The following ANXA13 variants were observed in gnomAD, a reference collection of about 807,000 sequenced individuals.
The protein encoded by ANXA13 is annexin XIII.
Under a neutral mutation model 46.6 loss-of-function variants are expected in ANXA13, and 36 were observed. The ratio of observed to expected loss-of-function variants is 0.77; its 90% CI spans 0.59 to 1.02. The LOEUF is 1.02. Among genes scored for constraint, ANXA13 ranks in the 50% least tolerant of loss-of-function variants. The pLI, the probability that ANXA13 is intolerant of heterozygous loss-of-function variation, is 0.00. For synonymous variants in ANXA13, 163 were observed against 152.9 expected (o/e 1.07, Z -0.49); for missense variants, 417 against 396.5 (o/e 1.05, Z -0.44).
intron 1 of ANXA13, among the ~76,000 whole-genome samples, chr8:123,721,978 G>T (rs909970703): frequency 2.0e-5 from 3 of 152,108 alleles, no homozygotes; most frequent in African/African-American, 7.2e-5. Context: ...TGGGGTTATT[G>T]TCTAAATAAT....
intron 10 of ANXA13, among the ~76,000 whole-genome samples, chr8:123,681,561 C>A (rs930683820): frequency 4.6e-5 from 7 of 151,814 alleles, no homozygotes; most frequent in African/African-American, 1.7e-4. Flanking sequence ...GAGGTCAATT[C>A]CCCAAAGGTT....
chr8:123,726,869 A>C (rs1166742339), intron 1 of ANXA13, among the ~76,000 whole-genome samples: 1 of 152,252 alleles, frequency 6.6e-6, no homozygotes, highest in Non-Finnish European at 1.5e-5. Flanking sequence ...ACTACTACTC[A>C]TCCATAAAAA....
At chr8:123,724,683 A>T (rs556075589) in intron 1 of ANXA13, among the ~76,000 whole-genome samples, 1 of 152,346 alleles carries the variant, frequency 6.6e-6, no homozygotes, top group Admixed American at 6.5e-5. Context: ...GGAACACTGA[A>T]AGCATTAAAG....
chr8:123,707,479 A>T (rs1813560036), intron 2 of ANXA13, among the ~76,000 whole-genome samples: 1 of 152,214 alleles, frequency 6.6e-6, no homozygotes, highest in African/African-American at 2.4e-5. Context: ...GATAAAGAAA[A>T]TGTGGCACAT....
intron 1 of ANXA13, among the ~76,000 whole-genome samples, chr8:123,713,885 G>A (rs1467737280): frequency 1.3e-5 from 2 of 152,052 alleles, no homozygotes; most frequent in Non-Finnish European, 2.9e-5. Flanking sequence ...GTAGAGATGG[G>A]GTTTTGCCAT....
At chr8:123,731,291 A>C (rs1237864210) in intron 1 of ANXA13, among the ~76,000 whole-genome samples, 1 of 152,164 alleles carries the variant, frequency 6.6e-6, no homozygotes, top group South Asian at 2.1e-4. Context: ...CTTTGGATAC[A>C]TTAGAATCAT....
chr8:123,684,595 C>T lies in ANXA13; in HGVS notation c.831+15G>A, dbSNP rs760899286. 19 of 1,568,978 alleles carry T rather than the reference C, an allele frequency of 1.2e-5. No homozygotes were observed. The highest frequency in any genetic ancestry group is 6.7e-5 in the South Asian group (6 of 90,064). On this transcript the variant is annotated intron_variant, in intron 10 of 10. Transcript: ENST00000419625. ...GAAGTTGCAGCCGCCTCTTTGGAGT[C>T]GGAGTGTGTCTTACCTCGGCCCTGG... is the stretch of plus-strand genomic sequence containing the variant.
chr8:123,711,453 C>T (rs1405567837), intron 2 of ANXA13, among the ~76,000 whole-genome samples: 1 of 152,074 alleles, frequency 6.6e-6, no homozygotes, highest in Non-Finnish European at 1.5e-5. Context: ...GACCTAGATG[C>T]TGTCTCCCTC....
At chr8:123,684,982 G>T (rs965242990) in intron 9 of ANXA13, among the ~76,000 whole-genome samples, 2 of 152,144 alleles carry the variant, frequency 1.3e-5, no homozygotes, top group African/African-American at 4.8e-5. Flanking sequence ...GGGCCCTCCC[G>T]GCCACGTCCA....
chr8:123,717,514 G>A (rs1813778380), intron 1 of ANXA13, among the ~76,000 whole-genome samples: 1 of 152,162 alleles, frequency 6.6e-6, no homozygotes, highest in Non-Finnish European at 1.5e-5. Flanking sequence ...CACATATGTT[G>A]ATCCCAGATG....
At chr8:123,695,835 C>T (rs1038993547) in intron 4 of ANXA13, 114 bp from the exon 5 acceptor site, 1 of 909,606 alleles carries the variant, frequency 1.1e-6, no homozygotes. Context: ...TTCAAGACTT[C>T]CTCTTAAGAT....
intron 1 of ANXA13, chr8:123,727,680 T>C (rs1054127078): frequency 8.9e-6 from 1 of 112,286 alleles, no homozygotes; most frequent in Non-Finnish European, 1.6e-5. Context: ...TGGTCCCAAA[T>C]GTCAGCAGTG....
intron 9 of ANXA13, among the ~76,000 whole-genome samples, chr8:123,685,383 G>A (rs1431139999): frequency 2.0e-5 from 3 of 152,072 alleles, no homozygotes; most frequent in African/African-American, 7.2e-5. Context: ...AATGAAGCGT[G>A]GTCTCTATTC....
intron 1 of ANXA13, among the ~76,000 whole-genome samples, chr8:123,715,299 AAGGCC>A (rs1412241391): frequency 1.3e-5 from 2 of 152,226 alleles, no homozygotes; most frequent in Non-Finnish European, 1.5e-5. Flanking sequence ...CACACTTATA[AAGGCC>A]ACCCTACTTT....
chr8:123,725,210 C>A (rs538544785), intron 1 of ANXA13, among the ~76,000 whole-genome samples: 1 of 151,998 alleles, frequency 6.6e-6, no homozygotes, highest in Non-Finnish European at 1.5e-5. Context: ...TTAAAAAGTG[C>A]GTATTTAAAA....
Position 123,689,565 on chromosome 8 carries a change from C to T in ANXA13, c.643-619G>A, listed in dbSNP as rs144577054. Among the ~76,000 whole-genome samples, 296 of 152,288 alleles carry T rather than the reference C, an allele frequency of 1.9e-3. 1 individual carries two copies. The highest frequency in any genetic ancestry group is 6.8e-3 in the African/African-American group (282 of 41,556). Reference sequence around the variant, plus strand: ...CTGACCACATCAAAATGCCACTTGTCTTCACTCTGGGGTGATTCCAAATAA... The same window carrying T: ...CTGACCACATCAAAATGCCACTTGTTTTCACTCTGGGGTGATTCCAAATAA... On this transcript the variant is annotated intron_variant, in intron 8 of 10. Transcript: ENST00000419625.
At chr8:123,729,377 T>C (rs1814065962) in intron 1 of ANXA13, 1 of 152,220 alleles carries the variant, frequency 6.6e-6, no homozygotes, top group Non-Finnish European at 1.5e-5. Context: ...AGATGATTTG[T>C]TCAGCCTCAG....
At chr8:123,722,370 G>GA (rs200230506) in intron 1 of ANXA13, among the ~76,000 whole-genome samples, 8 of 140,852 alleles carry the variant, frequency 5.7e-5, no homozygotes, top group Non-Finnish European at 1.2e-4. Context: ...AAGAAAGAAA[G>GA]AAAGAAAGAA....
At chr8:123,685,133 G>T (rs1813117117) in intron 9 of ANXA13, among the ~76,000 whole-genome samples, 1 of 152,134 alleles carries the variant, frequency 6.6e-6, no homozygotes, top group Non-Finnish European at 1.5e-5. Flanking sequence ...TATCCAGTTG[G>T]ACAGCCGCCT....
Sources: gnomAD v4.1 joint callset for allele counts (sites outside exome capture counted in the v4.1 genomes callset) on GRCh38, gnomAD v4.1.1 for gene constraint, MANE v1.5 for transcripts, NCBI Gene and HGNC (gene_info 2026-07-23, HGNC 2026-07-21) for gene names.